NCOA7: variants seen among roughly 807,000 people sequenced by gnomAD.
NCOA7 encodes nuclear receptor coactivator 7.
Under a neutral mutation model 104.3 loss-of-function variants are expected in NCOA7, and 45 were observed. The observed-to-expected ratio is 0.43, with a 90% CI of 0.34 to 0.55. The LOEUF is 0.55. Among genes scored for constraint, NCOA7 ranks in the 20% least tolerant of loss-of-function variants. The pLI is 0.02. For synonymous variants in NCOA7, 398 were observed against 402.3 expected (o/e 0.99, Z 0.13); for missense variants, 1,041 against 1,119.7 (o/e 0.93, Z 1.00).
chr6:125,810,133 A>G (rs1224016224), intron 1 of NCOA7: 2 of 152,196 alleles, frequency 1.3e-5, no homozygotes, highest in Admixed American at 6.5e-5. Context: ...GTGCTGCAGC[A>G]CAGAATTTGC....
intron 10 of NCOA7, among the ~76,000 whole-genome samples, chr6:125,895,546 T>C (rs558975368): frequency 1.3e-5 from 2 of 152,342 alleles, no homozygotes; most frequent in East Asian, 1.9e-4. Context: ...CGTTAGGCCA[T>C]TCTTGGGTTG....
At chr6:125,898,767 C>T (rs1785252607) in intron 10 of NCOA7, among the ~76,000 whole-genome samples, 1 of 152,080 alleles carries the variant, frequency 6.6e-6, no homozygotes, top group Admixed American at 6.6e-5. Flanking sequence ...GCCTATAATA[C>T]ATATTCCTAA....
chr6:125,849,189 A>G (rs1176384546), intron 2 of NCOA7, among the ~76,000 whole-genome samples: 2 of 152,212 alleles, frequency 1.3e-5, no homozygotes, highest in Admixed American at 6.5e-5. Context: ...TTCAGCTACT[A>G]CAAATGATTT....
intron 8 of NCOA7, among the ~76,000 whole-genome samples, chr6:125,886,703 G>A (rs760683876): frequency 5.1e-4 from 78 of 152,256 alleles, no homozygotes; most frequent in Non-Finnish European, 3.2e-4. Context: ...AATAAACTTT[G>A]TATTGTCTTC....
At chr6:125,838,941 G>C (rs1037102772) in intron 2 of NCOA7, among the ~76,000 whole-genome samples, 5 of 152,012 alleles carry the variant, frequency 3.3e-5, no homozygotes, top group Non-Finnish European at 5.9e-5. Context: ...TAGGTTGGGG[G>C]ATTCAGGGGT....
intron 3 of NCOA7, among the ~76,000 whole-genome samples, chr6:125,869,324 T>TC (rs1397340180): frequency 5.9e-5 from 9 of 151,878 alleles, no homozygotes; most frequent in Admixed American, 3.3e-4. Context: ...TCCCCAGTCT[T>TC]CCCCCCCACC....
At chr6:125,877,820 T>C (rs1156799970) in intron 4 of NCOA7, among the ~76,000 whole-genome samples, 1 of 152,186 alleles carries the variant, frequency 6.6e-6, no homozygotes, top group Non-Finnish European at 1.5e-5. Context: ...GAGAAAACAT[T>C]TTGCCAGCTT....
chr6:125,886,874 G>A (rs1342781301), intron 8 of NCOA7, among the ~76,000 whole-genome samples: 1 of 152,240 alleles, frequency 6.6e-6, no homozygotes, highest in Non-Finnish European at 1.5e-5. Flanking sequence ...TTCAAGTTTG[G>A]TATTTGTGTG....
At chr6:125,895,961 A>ATG (rs1346320348) in intron 10 of NCOA7, among the ~76,000 whole-genome samples, 1 of 137,154 alleles carries the variant, frequency 7.3e-6, no homozygotes, top group African/African-American at 3.2e-5. Context: ...TCATATATGT[A>ATG]TATATGTGTG....
chr6:125,819,234 G>A (rs1170911589), intron 2 of NCOA7, among the ~76,000 whole-genome samples: 2 of 151,908 alleles, frequency 1.3e-5, no homozygotes, highest in African/African-American at 4.8e-5. Context: ...AACCTGTTTT[G>A]TTGACGTTTC....
intron 2 of NCOA7, among the ~76,000 whole-genome samples, chr6:125,839,426 AGTG>A (rs1349726074): frequency 6.6e-6 from 1 of 151,050 alleles, no homozygotes; most frequent in Non-Finnish European, 1.5e-5. Context: ...CCTAGGCCTT[AGTG>A]ATTTAACTCT....
intron 3 of NCOA7, among the ~76,000 whole-genome samples, chr6:125,865,607 T>C (rs1300380292): frequency 7.3e-6 from 1 of 137,466 alleles, no homozygotes; most frequent in African/African-American, 3.0e-5. Flanking sequence ...AGGTCAATAA[T>C]TTGAGATGTG....
intron 1 of NCOA7, 181 bp from the exon 2 acceptor site, chr6:125,815,110 C>G: frequency 6.1e-6 from 2 of 325,966 alleles, no homozygotes; most frequent in Non-Finnish European, 1.1e-5. Context: ...TTTAACATCT[C>G]CATTCTGATT....
At chr6:125,788,716 G>A (rs9401846), upstream of NCOA7, among the ~76,000 whole-genome samples, 1 of 50,594 alleles carries the variant, frequency 2.0e-5, no homozygotes, top group South Asian at 5.9e-4. Flanking sequence ...TTTTTTTTTT[G>A]TATTTTTAGT....
chr6:125,900,100 G>T, intron 10 of NCOA7: 1 of 518,658 alleles, frequency 1.9e-6, no homozygotes, highest in Non-Finnish European at 4.0e-6. Context: ...GAAGCATGAG[G>T]CCAGGGTTAA....
chr6:125,909,766 C>T (rs761177593), intron 10 of NCOA7, among the ~76,000 whole-genome samples: 15 of 152,126 alleles, frequency 9.9e-5, no homozygotes, highest in Non-Finnish European at 1.6e-4. Flanking sequence ...GCCGAGATCG[C>T]ACCACTCCAG....
chr6:125,808,063 T>C (rs1156380806), intron 1 of NCOA7, among the ~76,000 whole-genome samples: 1 of 152,184 alleles, frequency 6.6e-6, no homozygotes, highest in Non-Finnish European at 1.5e-5. Context: ...GGAGGGAAAT[T>C]AGGACAGTGT....
chr6:125,917,193 T>G (rs573798752), intron 11 of NCOA7, among the ~76,000 whole-genome samples: 3 of 145,802 alleles, frequency 2.1e-5, no homozygotes, highest in South Asian at 4.2e-4. Context: ...GAGGGAGGAA[T>G]GTTAGAATCT....
At chr6:125,832,843 T>A (rs1414111102) in intron 2 of NCOA7, among the ~76,000 whole-genome samples, 1 of 152,202 alleles carries the variant, frequency 6.6e-6, no homozygotes, top group Non-Finnish European at 1.5e-5. Flanking sequence ...AGCCACCTTG[T>A]TATTTTCTGC....
Sources: allele counts gnomAD v4.1 joint callset (sites outside exome capture counted in the v4.1 genomes callset), GRCh38; gene constraint gnomAD v4.1.1; transcripts MANE v1.5; gene names NCBI Gene and HGNC (gene_info 2026-07-23, HGNC 2026-07-21).